PPP6R3: variants seen among roughly 807,000 people sequenced by gnomAD.
PPP6R3 encodes the protein protein phosphatase 6 regulatory subunit 3, also known as serine/threonine-protein phosphatase 6 regulatory subunit 3.
A neutral mutation model predicts 110.7 loss-of-function variants in PPP6R3; 38 were observed. The ratio of observed to expected loss-of-function variants is 0.34; its 90% CI spans 0.26 to 0.45. PPP6R3 has a LOEUF of 0.45. PPP6R3 is among the 20% of genes least tolerant of loss of function. PPP6R3 has a pLI of 1.00. For synonymous variants in PPP6R3, 369 were observed against 373.5 expected (o/e 0.99, Z 0.14); for missense variants, 870 against 1,062.4 (o/e 0.82, Z 2.52).
chr11:68,590,522 G>T lies in PPP6R3; in HGVS notation c.1731-138G>T, dbSNP rs1460935051. ...AGCTGGCATCATTTAATATAAGAAG[G>T]TTGTTTCTGTTTGTTTTTTATTTAT... On this transcript the variant is annotated intron_variant, in intron 16 of 23. Coordinates refer to ENST00000393800, the MANE Select transcript of PPP6R3 (RefSeq NM_001164161.2). 7.3e-6 allele frequency: 7 copies of T among 954,168 alleles called. No individual in the cohort carries two copies. The East Asian group carries it at 1.7e-4, about 23-fold the overall frequency. The allele number at this position is 954,168 out of a possible 1,614,324, so 59.1% of individuals were successfully genotyped here.
intron 22 of PPP6R3, among the ~76,000 whole-genome samples, chr11:68,607,739 C>T (rs1254779368): frequency 6.6e-6 from 1 of 151,926 alleles, no homozygotes; most frequent in African/African-American, 2.4e-5. Flanking sequence ...GTCTGTCTGC[C>T]TATCTAATCT....
chr11:68,564,466 G>T, intron 9 of PPP6R3, 34 bp downstream of exon 9: 2 of 1,610,788 alleles, frequency 1.2e-6, no homozygotes, highest in South Asian at 2.2e-5. Flanking sequence ...GCTGCCCAGC[G>T]AGTAATTTGG....
chr11:68,557,554 T>C (rs1210684087), intron 7 of PPP6R3, among the ~76,000 whole-genome samples: 1 of 152,208 alleles, frequency 6.6e-6, no homozygotes, highest in Non-Finnish European at 1.5e-5. Flanking sequence ...AGTCTCGTTC[T>C]GTCACCCAGG....
chr11:68,474,188 G>A (rs779046666), intron 1 of PPP6R3, among the ~76,000 whole-genome samples: 6 of 152,004 alleles, frequency 3.9e-5, no homozygotes, highest in Non-Finnish European at 8.8e-5. Context: ...GGGACTACAA[G>A]CACACACCAC....
chr11:68,514,251 TG>T (rs1228008718), intron 1 of PPP6R3, among the ~76,000 whole-genome samples: 1 of 152,066 alleles, frequency 6.6e-6, no homozygotes, highest in Non-Finnish European at 1.5e-5. Context: ...CTTTTTTTTT[TG>T]TAGGGGTGGG....
chr11:68,576,265 G>C (rs1193636076), intron 14 of PPP6R3, among the ~76,000 whole-genome samples: 1 of 152,174 alleles, frequency 6.6e-6, no homozygotes, highest in Non-Finnish European at 1.5e-5. Context: ...ATATTGAGAA[G>C]TCACTGATTT....
At chr11:68,583,655 A>G (rs747025017) in intron 15 of PPP6R3, among the ~76,000 whole-genome samples, 2 of 152,132 alleles carry the variant, frequency 1.3e-5, no homozygotes, top group Admixed American at 6.5e-5. Flanking sequence ...CCTGCTTATA[A>G]TCTTTGTGGG....
chr11:68,488,156 C>T (rs1384912906), intron 1 of PPP6R3, among the ~76,000 whole-genome samples: 2 of 152,196 alleles, frequency 1.3e-5, no homozygotes, highest in Admixed American at 1.3e-4. Context: ...GAAGCCTGCT[C>T]TATCTGCAAT....
intron 1 of PPP6R3, among the ~76,000 whole-genome samples, chr11:68,517,050 T>C (rs2099140639): frequency 6.6e-6 from 1 of 152,100 alleles, no homozygotes; most frequent in South Asian, 2.1e-4. Context: ...GGGTCTGTTT[T>C]AAGTAACGGT....
Position 68,614,254 on chromosome 11 carries a change from G to GTGAT in PPP6R3, c.*1139_*1142dup. On this transcript the variant is annotated 3_prime_UTR_variant, in exon 24 of 24. Transcript: ENST00000393800. ...TAGAACTGGTTTGTGTATATATATA[G>GTGAT]TGATTATGGATACTAATTCAATGTA... 3 of 1,023,032 alleles carry GTGAT rather than the reference G, an allele frequency of 2.9e-6. No homozygotes were observed. Among genetic ancestry groups the GTGAT allele is most frequent in the Non-Finnish European group, 2.3e-6 (2 of 853,170 alleles). 63.4% of individuals were successfully genotyped at this position (1,023,032 alleles called of 1,614,324 possible).
In PPP6R3 at chr11:68,577,024, G is replaced by A. The variant is rs190403005; in HGVS notation, c.1545+981G>A. Among the ~76,000 whole-genome samples the A allele has an allele frequency of 5.5e-4, 84 of 152,232 alleles. No individual in the cohort carries two copies. The Middle Eastern group carries it at 0.014, about 25-fold the overall frequency. ...CCTGACAGAGTCACACTTTTTAAGC[G>A]GGGAATAATGATAGAATTAGGAAGT... On this transcript the variant is annotated intron_variant, in intron 14 of 23. Coordinates refer to ENST00000393800, the MANE Select transcript of PPP6R3 (RefSeq NM_001164161.2).
chr11:68,500,701 C>T (rs952388981), intron 1 of PPP6R3, among the ~76,000 whole-genome samples: 1 of 152,202 alleles, frequency 6.6e-6, no homozygotes, highest in Non-Finnish European at 1.5e-5. Context: ...TGGTCTTGAA[C>T]TCCTGACCTC....
intron 23 of PPP6R3, chr11:68,612,864 C>T (rs1487653939): frequency 8.8e-6 from 9 of 1,024,768 alleles, no homozygotes; most frequent in East Asian, 3.0e-5. Flanking sequence ...CCTGCTCACC[C>T]GGTGATGAAG....
intron 13 of PPP6R3, 26 bp from the exon 14 acceptor site, chr11:68,575,932 G>T: frequency 6.5e-7 from 1 of 1,541,254 alleles, no homozygotes; most frequent in East Asian, 2.3e-5. Flanking sequence ...TGGTGATAAT[G>T]CTTTTTTGCT....
intron 1 of PPP6R3, among the ~76,000 whole-genome samples, chr11:68,518,509 CCTTT>C (rs1258639097): frequency 6.6e-6 from 1 of 152,132 alleles, no homozygotes; most frequent in Non-Finnish European, 1.5e-5. Flanking sequence ...CCATACAGGA[CCTTT>C]CTGTTTTGTC....
rs941446501 is a variant in PPP6R3, at chr11:68,613,262, C to G, written c.*145C>G. The G allele has an allele frequency of 7.0e-6, 10 of 1,419,626 alleles. No individual in the cohort carries two copies. The highest frequency in any genetic ancestry group is 3.1e-5 in the Admixed American group (1 of 32,500). The allele number at this position is 1,419,626 out of a possible 1,614,324, so 87.9% of individuals were successfully genotyped here. A position where few individuals can be genotyped will look rare whatever the true frequency, so the allele number is the denominator to read the frequency against. Reference sequence around the variant, plus strand: ...ACCAGCAACCTTTATATTCTAGATTCTAAGACATTGTACAGAGAAATTCAG... The same window carrying G: ...ACCAGCAACCTTTATATTCTAGATTGTAAGACATTGTACAGAGAAATTCAG... On this transcript the variant is annotated 3_prime_UTR_variant, in exon 24 of 24. Coordinates refer to ENST00000393800, the MANE Select transcript of PPP6R3 (RefSeq NM_001164161.2).
chr11:68,491,328 C>CTGTGTGTG (rs60972668), intron 1 of PPP6R3, among the ~76,000 whole-genome samples: 1,251 of 123,528 alleles, frequency 0.01, 10 homozygotes, highest in Middle Eastern at 0.017. Flanking sequence ...GTGTCTTCAG[C>CTGTGTGTG]TGTGTGTGTG....
chr11:68,561,460 G>A (rs1468193050), intron 8 of PPP6R3, among the ~76,000 whole-genome samples: 1 of 152,044 alleles, frequency 6.6e-6, no homozygotes, highest in Non-Finnish European at 1.5e-5. Context: ...GGATACAGAG[G>A]GCCGACTGCA....
At chr11:68,584,688 T>G (rs999443100) in intron 15 of PPP6R3, among the ~76,000 whole-genome samples, 1 of 152,218 alleles carries the variant, frequency 6.6e-6, no homozygotes, top group Non-Finnish European at 1.5e-5. Flanking sequence ...TTATTTTGTT[T>G]GTTTGACCGA....
Sources: allele counts gnomAD v4.1 joint callset (sites outside exome capture counted in the v4.1 genomes callset), GRCh38; gene constraint gnomAD v4.1.1; transcripts MANE v1.5; gene names NCBI Gene and HGNC (gene_info 2026-07-23, HGNC 2026-07-21).